ADGRV1: variants seen among roughly 807,000 people sequenced by gnomAD.
ADGRV1 encodes G-protein coupled receptor 98.
In ADGRV1, 359 loss-of-function variants were observed where a neutral mutation model predicts 596.2. The observed-to-expected ratio is 0.60, with a 90% confidence interval of 0.55 to 0.66. The LOEUF (loss-of-function observed/expected upper bound fraction) is 0.66, where lower values mean the gene tolerates loss of function less well. ADGRV1 is among the 30% of genes least tolerant of loss of function. ADGRV1 has a pLI of 0.00. For synonymous variants in ADGRV1, 2,681 were observed against 2,679.2 expected (o/e 1.00, Z -0.02); for missense variants, 7,274 against 7,575.6 (o/e 0.96, Z 1.48).
At chr5:91,005,871 G>A (rs778859406) in intron 85 of ADGRV1, among the ~76,000 whole-genome samples, 13 of 151,938 alleles carry the variant, frequency 8.6e-5, no homozygotes, top group Non-Finnish European at 1.3e-4. Context: ...CTCTACCATC[G>A]CTATAGTTCA....
chr5:90,614,863 T>C lies in ADGRV1; in HGVS notation c.51T>C (p.Asn17=). The change falls in exon 2 of 90, where the codon AAT becomes AAC. Residue 17 remains asparagine, a synonymous_variant. Coordinates refer to ENST00000405460, the MANE Select transcript of ADGRV1 (RefSeq NM_032119.4). ...TGCCCTCTGCATCTTTATTAGTAAA[T>C]CTTCTTTCAGCTTTACTCATCCTAT... ...PGMPSASLLV[N]LLSALLILFV... The C allele has an allele frequency of 4.3e-6, 7 of 1,610,432 alleles. No homozygotes were observed. Among genetic ancestry groups the C allele is most frequent in the Non-Finnish European group, 5.9e-6 (7 of 1,177,758 alleles).
chr5:90,964,775 G>A (rs576754803), intron 83 of ADGRV1, among the ~76,000 whole-genome samples: 13 of 149,414 alleles, frequency 8.7e-5, no homozygotes, highest in African/African-American at 3.3e-4. Context: ...AAGGTGATGT[G>A]TGCTGGTTAA....
intron 83 of ADGRV1, among the ~76,000 whole-genome samples, chr5:90,950,331 T>C (rs1034002092): frequency 1.4e-4 from 21 of 152,156 alleles, no homozygotes; most frequent in Non-Finnish European, 2.6e-4. Flanking sequence ...ATTTTATTTA[T>C]TTATTTTTGA....
intron 85 of ADGRV1, among the ~76,000 whole-genome samples, chr5:91,050,156 A>G (rs1461852645): frequency 6.6e-6 from 1 of 152,224 alleles, no homozygotes. Flanking sequence ...CCAGTTGGAT[A>G]AGGTATTCCT....
At position 90,756,469 on chromosome 5, in the gene ADGRV1, T is replaced by C; in HGVS notation, c.11596T>C (p.Leu3866=). Residue 3866 remains leucine (L), a synonymous_variant, in exon 56 of 90, where the codon TTG becomes CTG. Coordinates refer to ENST00000405460, the MANE Select transcript of ADGRV1 (RefSeq NM_032119.4). ...VSILPDDLPE[L]EEGFIVTITE... ...CATCCCCCAGGATGACCTTCCTGAA[T>C]TGGAGGAAGGATTTATTGTCACTAT... The C allele has an allele frequency of 6.5e-7, 1 of 1,531,822 alleles. No individual in the cohort carries two copies. Among genetic ancestry groups the C allele is most frequent in the Non-Finnish European group, 8.8e-7 (1 of 1,137,754 alleles). The allele number at this position is 1,531,822 out of a possible 1,614,324, so 94.9% of individuals were successfully genotyped here.
chr5:91,082,782 A>G lies in ADGRV1; in HGVS notation c.18310+10178A>G, dbSNP rs114721963. Among the ~76,000 whole-genome samples, 470 of 152,260 alleles carry G rather than the reference A, an allele frequency of 3.1e-3. 6 individuals carry two copies. Among genetic ancestry groups the G allele is most frequent in the African/African-American group, 0.011 (452 of 41,544 alleles). ...GTTGGTATCAACATGGTGATACTGT[A>G]ACACACTATGGCTCTCTCTCCCAGG... On this transcript the variant is annotated intron_variant, in intron 86 of 89. Transcript: ENST00000405460.
chr5:90,943,236 G>A (rs989403209), intron 83 of ADGRV1, among the ~76,000 whole-genome samples: 2 of 139,154 alleles, frequency 1.4e-5, no homozygotes, highest in Non-Finnish European at 3.1e-5. Context: ...ACAGTAAGGG[G>A]TGGGTGGGTG....
In ADGRV1 at chr5:90,729,954, C is replaced by T. The variant is rs540669995; in HGVS notation, c.10549+190C>T. ...CAATCTCTGCTCACTGCAAGCTCCG[C>T]CTCCCAGGTTCCGCTATTCTCCTGC... is the stretch of plus-strand genomic sequence containing the variant. On this transcript the variant is annotated intron_variant, in intron 50 of 89. Coordinates refer to ENST00000405460, the MANE Select transcript of ADGRV1 (RefSeq NM_032119.4). Among the ~76,000 whole-genome samples the T allele has an allele frequency of 2.0e-5, 3 of 152,154 alleles. No individual in the cohort carries two copies. In the South Asian group the frequency reaches 6.2e-4, roughly 32 times the overall value.
intron 26 of ADGRV1, among the ~76,000 whole-genome samples, chr5:90,680,046 G>T (rs1160615554): frequency 6.6e-6 from 1 of 152,082 alleles, no homozygotes; most frequent in Non-Finnish European, 1.5e-5. Flanking sequence ...GTACAAAAAA[G>T]AACTATGAAT....
chr5:90,808,437 A>G (rs1762112743), intron 73 of ADGRV1, among the ~76,000 whole-genome samples: 1 of 152,236 alleles, frequency 6.6e-6, no homozygotes, highest in Admixed American at 6.5e-5. Context: ...ACTAGAGTGT[A>G]TTCAAGTATG....
At chr5:90,649,908 T>G (rs1015567146) in intron 17 of ADGRV1, among the ~76,000 whole-genome samples, 1 of 152,202 alleles carries the variant, frequency 6.6e-6, no homozygotes, top group Non-Finnish European at 1.5e-5. Flanking sequence ...AAGATGTGAT[T>G]GGGTTACTGG....
chr5:90,933,860 C>G (rs556477524), intron 83 of ADGRV1, among the ~76,000 whole-genome samples: 5 of 152,244 alleles, frequency 3.3e-5, no homozygotes, highest in South Asian at 4.2e-4. Context: ...CCCTATTCTG[C>G]TAGGTGGTAT....
intron 79 of ADGRV1, among the ~76,000 whole-genome samples, chr5:90,852,293 T>C (rs1482618724): frequency 1.3e-5 from 2 of 152,232 alleles, no homozygotes; most frequent in African/African-American, 4.8e-5. Context: ...TTTAAAATTC[T>C]CTGCTCCATT....
intron 70 of ADGRV1, among the ~76,000 whole-genome samples, chr5:90,801,819 G>A (rs1162973532): frequency 1.3e-5 from 2 of 152,184 alleles, no homozygotes; most frequent in Admixed American, 1.3e-4. Flanking sequence ...ATGGGAAAAT[G>A]TGCTGTAAGT....
intron 85 of ADGRV1, among the ~76,000 whole-genome samples, chr5:91,028,537 A>G (rs961055305): frequency 6.6e-5 from 10 of 151,920 alleles, no homozygotes; most frequent in African/African-American, 2.4e-4. Flanking sequence ...CTCAGTAATG[A>G]CGCCCATTTA....
intron 85 of ADGRV1, among the ~76,000 whole-genome samples, chr5:91,063,937 C>T (rs1405074062): frequency 1.3e-5 from 2 of 152,098 alleles, no homozygotes; most frequent in African/African-American, 2.4e-5. Flanking sequence ...TTCAGAAGTG[C>T]TGTGCATTTA....
chr5:90,924,687 T>C (rs1407158349), intron 83 of ADGRV1, among the ~76,000 whole-genome samples: 1 of 152,294 alleles, frequency 6.6e-6, no homozygotes, highest in African/African-American at 2.4e-5. Flanking sequence ...TTTTGGTGTT[T>C]TGGACATGAA....
intron 85 of ADGRV1, among the ~76,000 whole-genome samples, chr5:91,008,149 A>C (rs921281382): frequency 6.6e-6 from 1 of 152,210 alleles, no homozygotes; most frequent in Non-Finnish European, 1.5e-5. Context: ...AATATTTATA[A>C]AGGCGATGTC....
intron 86 of ADGRV1, among the ~76,000 whole-genome samples, chr5:91,075,536 G>C (rs1165823517): frequency 1.3e-5 from 2 of 152,092 alleles, no homozygotes. Flanking sequence ...CTTAATGAGG[G>C]AACCCTCTCT....
Sources: gnomAD v4.1 joint callset for allele counts (sites outside exome capture counted in the v4.1 genomes callset) on GRCh38, gnomAD v4.1.1 for gene constraint, MANE v1.5 for transcripts, NCBI Gene and HGNC (gene_info 2026-07-23, HGNC 2026-07-21) for gene names.